Variants in RHAG observed in about 807,000 individuals in gnomAD.
RHAG encodes Rh associated glycoprotein.
RHAG carries 25 observed loss-of-function variants against 42.4 expected under a neutral mutation model. The ratio of observed to expected loss-of-function variants is 0.59; its 90% CI spans 0.43 to 0.82. The LOEUF is 0.82. Among genes scored for constraint, RHAG ranks in the 40% least tolerant of loss-of-function variants. The pLI, the probability that RHAG is intolerant of heterozygous loss-of-function variation, is 0.00. For missense variants in RHAG, 483 were observed against 504.6 expected, an observed-to-expected ratio of 0.96 and a Z score of 0.41; for synonymous variants, 182 against 177.7, an observed-to-expected ratio of 1.02 and a Z score of -0.19.
intron 1 of RHAG, 23 bp from the exon 2 acceptor site, chr6:49,619,385 A>C (rs1310043656): frequency 6.2e-7 from 1 of 1,603,064 alleles, no homozygotes. Context: ...AAAGGAAAAA[A>C]TATCTGCATT....
At chr6:49,608,569 G>GT (rs896137243) in intron 7 of RHAG, among the ~76,000 whole-genome samples, 1 of 152,010 alleles carries the variant, frequency 6.6e-6, no homozygotes, top group African/African-American at 2.4e-5. Context: ...TAGAGATGGG[G>GT]TTTCACCATA....
chr6:49,626,209 CCA>C (rs1250443515), intron 1 of RHAG, among the ~76,000 whole-genome samples: 1 of 152,156 alleles, frequency 6.6e-6, no homozygotes, highest in African/African-American at 2.4e-5. Context: ...ACTCAAAAGT[CCA>C]CAGTTTCATC....
chr6:49,612,272 A>G, intron 6 of RHAG, 125 bp downstream of exon 6: 1 of 1,050,402 alleles, frequency 9.5e-7, no homozygotes, highest in East Asian at 2.4e-5. Flanking sequence ...TCCAAAAAGA[A>G]GGCAAATGGT....
chr6:49,633,671 C>T (rs574305735), intron 1 of RHAG, among the ~76,000 whole-genome samples: 7 of 152,186 alleles, frequency 4.6e-5, no homozygotes, highest in Middle Eastern at 3.4e-3. Context: ...TAAAATTTCA[C>T]TTTGTGGCAT....
rs1366570148 is a variant in RHAG, at chr6:49,614,827, G to A, written c.667C>T (p.Pro223Ser). ...IGTLFLWMFW[P>S]SFNSAIAEPG... ...TCAGCAATGGCCGAGTTAAAGCTGG[G>A]CCAAAACATCCACAGAAAGAGAGTC... The change falls in exon 5 of 10, where the codon CCC becomes TCC. Residue 223 changes from proline to serine, a missense_variant. Coordinates refer to ENST00000371175, the MANE Select transcript of RHAG (RefSeq NM_000324.3). 1 of 1,614,216 alleles carries A rather than the reference G, an allele frequency of 6.2e-7. No individual in the cohort carries two copies. The highest frequency in any genetic ancestry group is 1.7e-5 in the Admixed American group (1 of 60,032).
intron 1 of RHAG, among the ~76,000 whole-genome samples, chr6:49,628,201 G>C (rs997578611): frequency 9.2e-5 from 14 of 151,714 alleles, no homozygotes. Flanking sequence ...CTGTTGCCCA[G>C]GCTGGAGTGC....
At chr6:49,612,095 C>T (rs1039728499) in intron 6 of RHAG, among the ~76,000 whole-genome samples, 1 of 151,998 alleles carries the variant, frequency 6.6e-6, no homozygotes, top group Non-Finnish European at 1.5e-5. Context: ...TTACATAAGA[C>T]AAATAACAAC....
chr6:49,625,927 C>T lies in RHAG; in HGVS notation c.158-6565G>A, dbSNP rs557260176. Among the ~76,000 whole-genome samples the T allele has an allele frequency of 5.3e-5, 8 of 152,274 alleles. No homozygotes were observed. In the South Asian group the frequency reaches 1.7e-3, roughly 32 times the overall value. ...AAGAGAGCTTGTGTAGGACAACTCC[C>T]CTTTATAAAACCATCAGCTCTCAAG... On this transcript the variant is annotated intron_variant, in intron 1 of 9. Transcript: ENST00000371175.
At chr6:49,618,258 C>G (rs1762688342) in intron 2 of RHAG, 40 bp from the exon 3 acceptor site, 1 of 1,612,360 alleles carries the variant, frequency 6.2e-7, no homozygotes, top group African/African-American at 1.3e-5. Flanking sequence ...TAATGCACAC[C>G]CAACATAAAA....
At chr6:49,612,281 G>A in intron 6 of RHAG, 116 bp downstream of exon 6, 1 of 1,148,452 alleles carries the variant, frequency 8.7e-7, no homozygotes. Flanking sequence ...AAGGCAAATG[G>A]TCTCCAAATA....
chr6:49,608,362 G>C (rs1762511213), intron 7 of RHAG, among the ~76,000 whole-genome samples: 1 of 152,130 alleles, frequency 6.6e-6, no homozygotes, highest in Non-Finnish European at 1.5e-5. Flanking sequence ...CTAGAAATGA[G>C]AATATTAGTA....
chr6:49,614,636 A>ACTGT, intron 5 of RHAG, 51 bp downstream of exon 5: 2 of 1,524,988 alleles, frequency 1.3e-6, no homozygotes, highest in Non-Finnish European at 1.8e-6. Context: ...TATCTGAGCA[A>ACTGT]CTGTCAGTGT....
chr6:49,615,521 T>A, intron 4 of RHAG, 103 bp downstream of exon 4: 2 of 1,326,486 alleles, frequency 1.5e-6, no homozygotes, highest in Non-Finnish European at 2.2e-6. Flanking sequence ...CTACCATGCC[T>A]GGCTTGGATG....
At chr6:49,610,876 T>C (rs1762559858) in intron 7 of RHAG, 148 bp downstream of exon 7, 2 of 849,496 alleles carry the variant, frequency 2.4e-6, no homozygotes, top group Admixed American at 2.2e-5. Flanking sequence ...TTTATTCTAA[T>C]GATCTTCTCT....
intron 1 of RHAG, among the ~76,000 whole-genome samples, chr6:49,634,372 A>T (rs1164320239): frequency 3.9e-5 from 6 of 152,136 alleles, no homozygotes. Flanking sequence ...TGTTGGTGGG[A>T]ATATAAATTA....
intron 1 of RHAG, among the ~76,000 whole-genome samples, chr6:49,628,174 AG>A (rs1409269067): frequency 1.3e-5 from 2 of 151,816 alleles, no homozygotes; most frequent in African/African-American, 4.8e-5. Context: ...AGAGAGAGAG[AG>A]AGACAGGGTC....
chr6:49,623,948 G>C (rs969414802), intron 1 of RHAG, among the ~76,000 whole-genome samples: 1 of 152,114 alleles, frequency 6.6e-6, no homozygotes, highest in Admixed American at 6.6e-5. Flanking sequence ...ATAGCAGCGG[G>C]GAGGGAACCA....
chr6:49,612,441 T>C lies in RHAG; in HGVS notation c.901A>G (p.Ser301Gly). 1 of 1,614,064 alleles carries C rather than the reference T, an allele frequency of 6.2e-7. No homozygotes were observed. Among genetic ancestry groups the C allele is most frequent in the Non-Finnish European group, 8.5e-7 (1 of 1,179,944 alleles). ...IHPFGSMIIG[S>G]IAGMVSVLGY... ...AGCACAGAGACCATTCCTGCAATGCTCCCAATAATCATAGAACCAAATGGG... is the reference window on the plus strand; with the variant it reads ...AGCACAGAGACCATTCCTGCAATGCCCCCAATAATCATAGAACCAAATGGG... Residue 301 changes from serine to glycine, a missense_variant, in exon 6 of 10, where the codon AGC becomes GGC. Coordinates refer to ENST00000371175, the MANE Select transcript of RHAG (RefSeq NM_000324.3).
intron 6 of RHAG, among the ~76,000 whole-genome samples, chr6:49,611,390 G>A (rs536841667): frequency 4.5e-4 from 69 of 152,152 alleles, no homozygotes; most frequent in Non-Finnish European, 8.8e-4. Flanking sequence ...GTTTTTTTGT[G>A]TTAAGAGTAG....
Sources: allele counts gnomAD v4.1 joint callset (sites outside exome capture counted in the v4.1 genomes callset), GRCh38; gene constraint gnomAD v4.1.1; transcripts MANE v1.5; gene names NCBI Gene and HGNC (gene_info 2026-07-23, HGNC 2026-07-21).